The following CADPS variants were observed in gnomAD, a reference collection of about 807,000 sequenced individuals.
CADPS encodes the protein calcium dependent secretion activator.
CADPS carries 57 observed loss-of-function variants against 167.3 expected under a neutral mutation model. That is an observed-to-expected ratio of 0.34 (90% CI 0.28 to 0.42). The LOEUF is 0.42. Ranked by LOEUF, CADPS falls within the 20% of genes least tolerant of loss-of-function variation. The pLI is 1.00. For synonymous variants in CADPS, 676 were observed against 635.3 expected, an observed-to-expected ratio of 1.06 and a Z score of -0.96; for missense variants, 1,414 against 1,738.1, an observed-to-expected ratio of 0.81 and a Z score of 3.32.
chr3:62,686,736 CATA>C (rs1394529816), intron 3 of CADPS, among the ~76,000 whole-genome samples: 1 of 151,994 alleles, frequency 6.6e-6, no homozygotes, highest in African/African-American at 2.4e-5. Flanking sequence ...ATTGGTGACT[CATA>C]ATAAGTAAAG....
chr3:62,560,745 C>T (rs562307225), intron 9 of CADPS, among the ~76,000 whole-genome samples: 3 of 152,274 alleles, frequency 2.0e-5, no homozygotes, highest in African/African-American at 2.4e-5. Context: ...TTTCCAGTCA[C>T]GTGCTTAAAC....
intron 6 of CADPS, among the ~76,000 whole-genome samples, chr3:62,621,793 G>A (rs568002551): frequency 2.0e-5 from 3 of 151,818 alleles, no homozygotes; most frequent in East Asian, 1.9e-4. Context: ...CTATACCTCC[G>A]TGAGTTCCCA....
At chr3:62,612,759 T>C (rs77485066) in intron 6 of CADPS, among the ~76,000 whole-genome samples, 1,567 of 152,070 alleles carry the variant, frequency 0.01, 27 homozygotes, top group Middle Eastern at 0.062. Context: ...ATCCTCTGAG[T>C]TTTCCAGTGA....
At chr3:62,431,207 T>C (rs1001765786) in intron 28 of CADPS, among the ~76,000 whole-genome samples, 27 of 152,306 alleles carry the variant, frequency 1.8e-4, no homozygotes, top group African/African-American at 6.5e-4. Flanking sequence ...TATGGGTATG[T>C]GTGTGTCAAA....
At chr3:62,649,997 G>A (rs747231258) in intron 5 of CADPS, among the ~76,000 whole-genome samples, 4 of 152,018 alleles carry the variant, frequency 2.6e-5, no homozygotes, top group Admixed American at 6.5e-5. Flanking sequence ...TAACATTTAC[G>A]TTGTTTCCAT....
At chr3:62,855,055 G>A (rs1355206538) in intron 1 of CADPS, among the ~76,000 whole-genome samples, 2 of 149,354 alleles carry the variant, frequency 1.3e-5, no homozygotes, top group Non-Finnish European at 3.0e-5. Flanking sequence ...CTCCCCAGTA[G>A]CTGGGACTAC....
chr3:62,656,805 G>A (rs1429577356), intron 4 of CADPS, among the ~76,000 whole-genome samples: 1 of 152,136 alleles, frequency 6.6e-6, no homozygotes, highest in East Asian at 1.9e-4. Flanking sequence ...TAGTTTTCTA[G>A]GCCAGCTTAT....
At chr3:62,721,140 A>ATTTTTTTTTTTTTTTTTTT (rs1564299964) in intron 3 of CADPS, among the ~76,000 whole-genome samples, 6 of 77,474 alleles carry the variant, frequency 7.7e-5, no homozygotes, top group Admixed American at 2.4e-4. Context: ...TTTTTAAAAA[A>ATTTTTTTTTTTTTTTTTTT]AAAAAGAAGA....
chr3:62,429,721 C>A lies in CADPS; in HGVS notation c.3777+8383G>T, dbSNP rs189923433. 3.9e-3 allele frequency among the ~76,000 whole-genome samples: 576 copies of A among 149,156 alleles called. 3 individuals carry two copies. The highest frequency in any genetic ancestry group is 0.011 in the African/African-American group (442 of 40,916). ...AAGTCTGCCATAAGAAAAAAAAAAA[C>A]CCCTGTTCTAAGACACAGAAGTATT... On this transcript the variant is annotated intron_variant, in intron 28 of 29. Transcript: ENST00000383710.
intron 6 of CADPS, among the ~76,000 whole-genome samples, chr3:62,643,906 T>C (rs2067968487): frequency 2.6e-5 from 4 of 152,238 alleles, no homozygotes. Context: ...AACTGGGATT[T>C]CATCAATGGC....
At chr3:62,606,112 A>T (rs566188378) in intron 6 of CADPS, among the ~76,000 whole-genome samples, 2 of 152,198 alleles carry the variant, frequency 1.3e-5, no homozygotes, top group African/African-American at 4.8e-5. Context: ...ATTATTGTTC[A>T]ATGGGATTCA....
intron 1 of CADPS, among the ~76,000 whole-genome samples, chr3:62,825,829 C>G (rs73102775): frequency 0.012 from 1,847 of 152,274 alleles, 15 homozygotes; most frequent in Non-Finnish European, 0.02. Flanking sequence ...TCTGACTACA[C>G]CTCCAAGTCA....
intron 3 of CADPS, among the ~76,000 whole-genome samples, chr3:62,729,960 T>A (rs1445088203): frequency 6.6e-6 from 1 of 151,852 alleles, no homozygotes; most frequent in Non-Finnish European, 1.5e-5. Context: ...TACCAAACTT[T>A]TGGCATAAAG....
At chr3:62,769,874 T>C (rs1459758120) in intron 1 of CADPS, among the ~76,000 whole-genome samples, 1 of 152,114 alleles carries the variant, frequency 6.6e-6, no homozygotes, top group African/African-American at 2.4e-5. Flanking sequence ...AAGCCTTGGT[T>C]CCTCATTAAA....
chr3:62,638,077 T>TTATATATATAGA (rs2066665409), intron 6 of CADPS, among the ~76,000 whole-genome samples: 1 of 36,766 alleles, frequency 2.7e-5, no homozygotes, highest in Non-Finnish European at 1.6e-4. Context: ...GTTTTAAGCA[T>TTATATATATAGA]TATATATATA....
intron 2 of CADPS, among the ~76,000 whole-genome samples, chr3:62,757,873 G>T (rs902454573): frequency 2.0e-5 from 3 of 152,200 alleles, no homozygotes; most frequent in African/African-American, 4.8e-5. Flanking sequence ...AAGAGAGCAT[G>T]TGCATGGGAA....
intron 3 of CADPS, among the ~76,000 whole-genome samples, chr3:62,670,709 A>G (rs541002887): frequency 5.7e-4 from 86 of 152,050 alleles, no homozygotes; most frequent in Admixed American, 9.8e-4. Flanking sequence ...CAGAAAACCA[A>G]TCCAGTTCTT....
chr3:62,680,414 C>T (rs1337332988), intron 3 of CADPS, among the ~76,000 whole-genome samples: 1 of 152,042 alleles, frequency 6.6e-6, no homozygotes, highest in Non-Finnish European at 1.5e-5. Context: ...TTATAAATGG[C>T]TTTGGCTCTT....
chr3:62,481,965 C>T, intron 21 of CADPS, 96 bp from the exon 22 acceptor site: 1 of 1,232,140 alleles, frequency 8.1e-7, no homozygotes, highest in South Asian at 1.4e-5. Context: ...TGACCAAGTC[C>T]ACAGCAAGAC....
Sources: gnomAD v4.1 joint callset for allele counts (sites outside exome capture counted in the v4.1 genomes callset) on GRCh38, gnomAD v4.1.1 for gene constraint, MANE v1.5 for transcripts, NCBI Gene and HGNC (gene_info 2026-07-23, HGNC 2026-07-21) for gene names.